INPP4A: variants seen among roughly 807,000 people sequenced by gnomAD.
INPP4A encodes the protein inositol polyphosphate-4-phosphatase, type I, 107kD.
A neutral mutation model predicts 119.8 loss-of-function variants in INPP4A; 33 were observed. That is an observed-to-expected ratio of 0.28 (90% CI 0.21 to 0.37). INPP4A has a LOEUF of 0.37. Ranked by LOEUF, INPP4A falls within the 10% of genes least tolerant of loss-of-function variation. The pLI, the probability that INPP4A is intolerant of heterozygous loss-of-function variation, is 1.00. For synonymous variants in INPP4A, 496 were observed against 500.7 expected, an observed-to-expected ratio of 0.99 and a Z score of 0.12; for missense variants, 956 against 1,289.9, an observed-to-expected ratio of 0.74 and a Z score of 3.97.
At chr2:98,574,773 T>C (rs1191857150) in intron 23 of INPP4A, among the ~76,000 whole-genome samples, 1 of 152,212 alleles carries the variant, frequency 6.6e-6, no homozygotes, top group East Asian at 1.9e-4. Flanking sequence ...AGAGACCTTG[T>C]GCATATCTTG....
At chr2:98,528,783 GA>G (rs1284848874) in intron 4 of INPP4A, among the ~76,000 whole-genome samples, 1 of 152,096 alleles carries the variant, frequency 6.6e-6, no homozygotes, top group African/African-American at 2.4e-5. Context: ...AGACAACCAA[GA>G]ATTTTCTATT....
chr2:98,468,768 G>A (rs1461465927), intron 1 of INPP4A, among the ~76,000 whole-genome samples: 1 of 152,132 alleles, frequency 6.6e-6, no homozygotes, highest in Non-Finnish European at 1.5e-5. Context: ...TTCATTGCTG[G>A]ACCATGAGTT....
At chr2:98,451,968 C>G (rs1303616057) in intron 1 of INPP4A, among the ~76,000 whole-genome samples, 1 of 152,166 alleles carries the variant, frequency 6.6e-6, no homozygotes, top group African/African-American at 2.4e-5. Flanking sequence ...GAACTGGAGT[C>G]TCCATCAGCA....
intron 1 of INPP4A, among the ~76,000 whole-genome samples, chr2:98,512,719 A>G (rs1454884043): frequency 6.6e-6 from 1 of 152,218 alleles, no homozygotes; most frequent in Non-Finnish European, 1.5e-5. Context: ...TACTGTTAGA[A>G]TGACAATTAA....
chr2:98,448,353 CAAA>C (rs571844955), intron 1 of INPP4A, among the ~76,000 whole-genome samples: 16,170 of 99,450 alleles, frequency 0.16, 915 homozygotes, highest in Middle Eastern at 0.21. Flanking sequence ...GAGACTGTCT[CAAA>C]AAAAAAAAAA....
At chr2:98,462,490 C>G (rs1039982043) in intron 1 of INPP4A, among the ~76,000 whole-genome samples, 1 of 151,878 alleles carries the variant, frequency 6.6e-6, no homozygotes, top group East Asian at 1.9e-4. Context: ...TAAAATATTA[C>G]CTTCTAGTTA....
chr2:98,573,024 AGCTCTCCATACTGGGAGAGGAGG>A, intron 23 of INPP4A, 97 bp downstream of exon 23: 2 of 901,786 alleles, frequency 2.2e-6, no homozygotes, highest in Non-Finnish European at 3.5e-6. Flanking sequence ...AGGAGAGCAG[AGCTCTCCATACTGGGAGAGGAGG>A]GAGTCACTGA....
At chr2:98,445,448 A>G (rs1383655538) in intron 1 of INPP4A, among the ~76,000 whole-genome samples, 1 of 152,236 alleles carries the variant, frequency 6.6e-6, no homozygotes, top group African/African-American at 2.4e-5. Context: ...GGGTGGAAAC[A>G]TAACCGGGTG....
chr2:98,582,525 C>T (rs546966640), intron 24 of INPP4A, among the ~76,000 whole-genome samples: 21 of 149,216 alleles, frequency 1.4e-4, no homozygotes, highest in African/African-American at 4.2e-4. Flanking sequence ...GAAAGATCAC[C>T]TACTGCATAC....
At chr2:98,479,460 A>T (rs1677954778) in intron 1 of INPP4A, among the ~76,000 whole-genome samples, 1 of 152,170 alleles carries the variant, frequency 6.6e-6, no homozygotes, top group South Asian at 2.1e-4. Context: ...CTGCATGGGG[A>T]TGGCTGGTTT....
At chr2:98,506,849 G>C (rs987995667) in intron 1 of INPP4A, among the ~76,000 whole-genome samples, 2 of 152,228 alleles carry the variant, frequency 1.3e-5, no homozygotes, top group East Asian at 3.8e-4. Flanking sequence ...TGGCAGGGAG[G>C]GGGAGTCAAG....
intron 1 of INPP4A, among the ~76,000 whole-genome samples, chr2:98,456,660 C>T (rs771733836): frequency 2.0e-5 from 3 of 152,186 alleles, no homozygotes; most frequent in Non-Finnish European, 4.4e-5. Flanking sequence ...TTTTCATTCT[C>T]ACCCCTTTCT....
At chr2:98,487,514 G>A (rs540517047) in intron 1 of INPP4A, among the ~76,000 whole-genome samples, 47 of 152,308 alleles carry the variant, frequency 3.1e-4, no homozygotes, top group Non-Finnish European at 5.1e-4. Flanking sequence ...TTTCAGGCGT[G>A]AGCCACCATG....
At chr2:98,536,498 C>A (rs1690294003) in intron 7 of INPP4A, among the ~76,000 whole-genome samples, 1 of 152,170 alleles carries the variant, frequency 6.6e-6, no homozygotes, top group Non-Finnish European at 1.5e-5. Context: ...TTAGCCCCTC[C>A]CCAGTGGAAT....
chr2:98,552,558 T>C, intron 13 of INPP4A: 1 of 668,358 alleles, frequency 1.5e-6, no homozygotes. Context: ...TACATGCAAA[T>C]ACAGATAAAA....
At chr2:98,548,387 C>CGCA (rs1462965150) in intron 13 of INPP4A, among the ~76,000 whole-genome samples, 8 of 152,254 alleles carry the variant, frequency 5.3e-5, no homozygotes, top group African/African-American at 1.9e-4. Context: ...CCTGTGCCAC[C>CGCA]GCAGCTCTGC....
In INPP4A at chr2:98,569,438, G is replaced by A. The variant is rs559213859; in HGVS notation, c.2518+770G>A. On this transcript the variant is annotated intron_variant, in intron 22 of 24. Transcript: ENST00000409851. This position sits in a 1 kb window ranked among gnomAD's most constrained non-coding sequence, Gnocchi z 5.1. The stretch of plus-strand genomic sequence containing the variant: ...GTATCATCCCCTCTGTGTTACACTA[G>A]TGTCCTCTGATGGGGGTTTCCAAAG... 6.6e-6 allele frequency: 1 copy of A among 152,416 alleles called. No individual in the cohort carries two copies. The highest frequency in any genetic ancestry group is 1.9e-4 in the East Asian group (1 of 5,182). 9.4% of individuals were successfully genotyped at this position (152,416 alleles called of 1,614,324 possible).
intron 23 of INPP4A, among the ~76,000 whole-genome samples, chr2:98,573,274 T>C (rs930828870): frequency 3.3e-5 from 5 of 152,218 alleles, no homozygotes; most frequent in Non-Finnish European, 7.3e-5. Context: ...CATGTGACCT[T>C]TCAGGTCTCT....
intron 1 of INPP4A, among the ~76,000 whole-genome samples, chr2:98,454,806 TAGTC>T (rs1278242222): frequency 6.7e-6 from 1 of 149,052 alleles, no homozygotes; most frequent in Non-Finnish European, 1.5e-5. Context: ...TGTAAACTCT[TAGTC>T]AGCTGGTCAC....
Sources: gnomAD v4.1 joint callset for allele counts (sites outside exome capture counted in the v4.1 genomes callset) on GRCh38, gnomAD v4.1.1 for gene constraint, Gnocchi (gnomAD v3.1) non-coding constraint, MANE v1.5 for transcripts, NCBI Gene and HGNC (gene_info 2026-07-23, HGNC 2026-07-21) for gene names.